Variants in MLIP observed in about 807,000 individuals in gnomAD.
MLIP encodes the protein muscular LMNA-interacting protein.
In MLIP, 79 loss-of-function variants were observed where a neutral mutation model predicts 84.8. The observed-to-expected ratio is 0.93, with a 90% CI of 0.78 to 1.12. MLIP has a LOEUF of 1.12. MLIP is among the 50% of genes most tolerant of loss of function. MLIP has a pLI of 0.00. For missense variants in MLIP, 1,257 were observed against 1,160.6 expected (o/e 1.08, Z -1.21); for synonymous variants, 504 against 463.0 (o/e 1.09, Z -1.14).
chr6:54,210,055 A>T (rs1779320160), intron 11 of MLIP, among the ~76,000 whole-genome samples: 1 of 151,704 alleles, frequency 6.6e-6, no homozygotes, highest in Non-Finnish European at 1.5e-5. Flanking sequence ...ATTAATGCTA[A>T]AGTGTCAGGA....
At chr6:54,099,029 T>G (rs1768438394) in intron 1 of MLIP, among the ~76,000 whole-genome samples, 7 of 152,176 alleles carry the variant, frequency 4.6e-5, no homozygotes, top group Admixed American at 4.6e-4. Context: ...GTAATGACTT[T>G]GCAAAAATCC....
At chr6:54,080,797 A>G (rs1012879929) in intron 1 of MLIP, among the ~76,000 whole-genome samples, 1 of 150,004 alleles carries the variant, frequency 6.7e-6, no homozygotes, top group African/African-American at 2.4e-5. Context: ...ATATACATAT[A>G]TATAAAAGCC....
chr6:54,265,896 A>G (rs1212323961), intron 13 of MLIP, 54 bp from the exon 14 acceptor site: 5 of 1,530,024 alleles, frequency 3.3e-6, no homozygotes, highest in East Asian at 2.3e-5. Flanking sequence ...TTTCAGGTGT[A>G]TATTTTTAAA....
chr6:54,111,375 T>C, upstream of MLIP: 2 of 1,477,926 alleles, frequency 1.4e-6, no homozygotes, highest in Non-Finnish European at 8.9e-7. Context: ...CTTTACCTCT[T>C]TTTAGAATTT....
chr6:54,164,876 G>A (rs569097467), intron 8 of MLIP, among the ~76,000 whole-genome samples: 1 of 151,686 alleles, frequency 6.6e-6, no homozygotes, highest in Non-Finnish European at 1.5e-5. Context: ...TAGATGGCTG[G>A]GTTATTTCTA....
chr6:54,165,799 T>C (rs1384616333), intron 8 of MLIP, among the ~76,000 whole-genome samples: 1 of 151,914 alleles, frequency 6.6e-6, no homozygotes, highest in East Asian at 1.9e-4. Flanking sequence ...TCAGAATTCA[T>C]ATGTTGAAAT....
At chr6:54,046,419 T>G (rs1338524463) in intron 1 of MLIP, 2 of 152,146 alleles carry the variant, frequency 1.3e-5, no homozygotes, top group African/African-American at 4.8e-5. Context: ...CTTCTTCTAC[T>G]ACTGTTGATA....
intron 1 of MLIP, among the ~76,000 whole-genome samples, chr6:54,063,820 AT>A (rs938596489): frequency 1.3e-5 from 2 of 152,008 alleles, no homozygotes; most frequent in African/African-American, 4.8e-5. Flanking sequence ...CAAGGCACAT[AT>A]TTGTCCTTAG....
intron 10 of MLIP, among the ~76,000 whole-genome samples, chr6:54,191,076 T>C (rs1253943747): frequency 6.6e-6 from 1 of 152,158 alleles, no homozygotes; most frequent in Non-Finnish European, 1.5e-5. Context: ...ATTACAGGTG[T>C]GAGCCATCGC....
intron 11 of MLIP, among the ~76,000 whole-genome samples, chr6:54,206,722 T>C (rs1301058929): frequency 1.3e-5 from 2 of 152,182 alleles, no homozygotes; most frequent in Non-Finnish European, 2.9e-5. Flanking sequence ...GACTTTCAGG[T>C]TTCTATCTAA....
chr6:54,253,653 C>T (rs1782793469), intron 12 of MLIP, among the ~76,000 whole-genome samples: 1 of 151,924 alleles, frequency 6.6e-6, no homozygotes, highest in Admixed American at 6.6e-5. Context: ...GGGATTTTAT[C>T]TCTTTGTGAG....
At chr6:54,230,293 G>A (rs988199451) in intron 11 of MLIP, among the ~76,000 whole-genome samples, 1 of 151,950 alleles carries the variant, frequency 6.6e-6, no homozygotes, top group Admixed American at 6.6e-5. Context: ...CCCTCCCCTT[G>A]ACTTCCCGAT....
chr6:54,190,972 T>G (rs1363632754), intron 10 of MLIP, among the ~76,000 whole-genome samples: 1 of 151,924 alleles, frequency 6.6e-6, no homozygotes, highest in Non-Finnish European at 1.5e-5. Flanking sequence ...ATTTTTTGTA[T>G]TTTTAGTAGA....
chr6:54,045,996 C>T lies in MLIP; in HGVS notation c.63+26905C>T, dbSNP rs1032749783. On this transcript the variant is annotated intron_variant, in intron 1 of 12. Coordinates refer to the MLIP transcript ENST00000274897. ...AGTGCGAGAATGGACTAATACAGAC[C>T]TCTAGTTTTACATTTATTTAAGGTT... is the stretch of plus-strand genomic sequence containing the variant. 2.6e-5 allele frequency: 4 copies of T among 152,192 alleles called. 1 individual carries two copies. The highest frequency in any genetic ancestry group is 2.6e-4 in the Admixed American group (4 of 15,282). The allele number at this position is 152,192 out of a possible 1,614,324, so 9.4% of individuals were successfully genotyped here. A position where few individuals can be genotyped will look rare whatever the true frequency, so the allele number is the denominator to read the frequency against.
intron 1 of MLIP, among the ~76,000 whole-genome samples, chr6:54,101,263 G>GT (rs1442381867): frequency 6.6e-6 from 1 of 152,030 alleles, no homozygotes; most frequent in African/African-American, 2.4e-5. Context: ...AGGAAATAGT[G>GT]TAAGTAAACA....
intron 11 of MLIP, among the ~76,000 whole-genome samples, chr6:54,225,669 T>C (rs1016267023): frequency 6.6e-6 from 1 of 152,136 alleles, no homozygotes; most frequent in Non-Finnish European, 1.5e-5. Context: ...AGTAGAACAT[T>C]AAAGAGTGCT....
chr6:54,237,537 G>T (rs190247935), intron 12 of MLIP, among the ~76,000 whole-genome samples: 93 of 152,008 alleles, frequency 6.1e-4, no homozygotes, highest in Admixed American at 3.6e-3. Context: ...TGAAGTCCAG[G>T]CTCCTGCAGA....
At chr6:54,210,843 T>C (rs1208897843) in intron 11 of MLIP, among the ~76,000 whole-genome samples, 2 of 152,176 alleles carry the variant, frequency 1.3e-5, no homozygotes, top group African/African-American at 4.8e-5. Context: ...TTAAGATCTT[T>C]AATTTTTTTT....
chr6:54,219,859 T>C (rs1426447328), intron 11 of MLIP, among the ~76,000 whole-genome samples: 1 of 152,194 alleles, frequency 6.6e-6, no homozygotes, highest in Non-Finnish European at 1.5e-5. Flanking sequence ...TCCTTAAGCC[T>C]GTTGTATCTT....
Sources: gnomAD v4.1 joint callset for allele counts (sites outside exome capture counted in the v4.1 genomes callset) on GRCh38, gnomAD v4.1.1 for gene constraint, MANE v1.5 for transcripts, NCBI Gene and HGNC (gene_info 2026-07-23, HGNC 2026-07-21) for gene names.